RAB27A: variants seen among roughly 807,000 people sequenced by gnomAD.
RAB27A encodes the protein RAB27A, member RAS oncogene family.
Under a neutral mutation model 20.8 loss-of-function variants are expected in RAB27A, and 17 were observed. That is an observed-to-expected ratio of 0.82 (90% confidence interval 0.56 to 1.23). The LOEUF (loss-of-function observed/expected upper bound fraction) is 1.23. Ranked by LOEUF, RAB27A falls within the 50% of genes most tolerant of loss-of-function variation. The probability of loss-of-function intolerance (pLI) is 0.00; values close to 1 mark genes in which losing one functional copy is unlikely to be tolerated. For synonymous variants in RAB27A, 85 were observed against 92.8 expected (o/e 0.92, Z 0.48); for missense variants, 277 against 266.7 (o/e 1.04, Z -0.27).
At chr15:55,308,812 T>C (rs2055008630) in intron 2 of RAB27A, among the ~76,000 whole-genome samples, 1 of 152,196 alleles carries the variant, frequency 6.6e-6, no homozygotes, top group Admixed American at 6.5e-5. Flanking sequence ...CATCATGAGA[T>C]GTCCACACAG....
chr15:55,242,750 A>G (rs1896541719), intron 2 of RAB27A, among the ~76,000 whole-genome samples: 1 of 152,112 alleles, frequency 6.6e-6, no homozygotes. Flanking sequence ...TATCTGGGTG[A>G]TTTTTGGTAA....
chr15:55,264,712 A>G (rs1897398876), intron 2 of RAB27A, among the ~76,000 whole-genome samples: 1 of 152,208 alleles, frequency 6.6e-6, no homozygotes, highest in Non-Finnish European at 1.5e-5. Flanking sequence ...GCCTCCACCA[A>G]TGATCCAAAG....
chr15:55,280,692 G>A lies in RAB27A; in HGVS notation c.-143+9024C>T, dbSNP rs537441435. On this transcript the variant is annotated intron_variant, in intron 1 of 6. Coordinates refer to ENST00000336787, the MANE Select transcript of RAB27A (RefSeq NM_183235.3). ...CCCCTGAGAGGCCCCGGTGTGTGAT[G>A]TTCCCCTTCCTGTATCCAAGTGATC... Among the ~76,000 whole-genome samples the A allele has an allele frequency of 3.3e-4, 50 of 151,414 alleles. 1 individual carries two copies. In the South Asian group the frequency reaches 0.01, roughly 32 times the overall value.
At chr15:55,296,399 G>A (rs1011353066) in intron 2 of RAB27A, among the ~76,000 whole-genome samples, 3 of 152,056 alleles carry the variant, frequency 2.0e-5, no homozygotes, top group Non-Finnish European at 4.4e-5. Flanking sequence ...GGGAGGCTGA[G>A]GCATGAGAAT....
rs117403373 is a variant in RAB27A, at chr15:55,208,121, G to A, written c.468-2416C>T. On this transcript the variant is annotated intron_variant, in intron 6 of 6. Coordinates refer to ENST00000336787, the MANE Select transcript of RAB27A (RefSeq NM_183235.3). ...TAATAGGGAAAAAATTTACCTAAACGTCCATCAATAAGCGCATGAATAGTG... is the reference window on the plus strand; with the variant it reads ...TAATAGGGAAAAAATTTACCTAAACATCCATCAATAAGCGCATGAATAGTG... Among the ~76,000 whole-genome samples the A allele has an allele frequency of 1.0e-3, 153 of 152,220 alleles. 2 individuals carry two copies. The highest frequency in any genetic ancestry group is 3.5e-3 in the African/African-American group (146 of 41,556).
At chr15:55,244,138 T>TAAAAATAC (rs547242305) in intron 2 of RAB27A, among the ~76,000 whole-genome samples, 1 of 151,960 alleles carries the variant, frequency 6.6e-6, no homozygotes, top group Non-Finnish European at 1.5e-5. Flanking sequence ...CCATCTCTGC[T>TAAAAATAC]AAAAATACAA....
Position 55,234,767 on chromosome 15 carries a change from G to A in RAB27A, c.153+15C>T, listed in dbSNP as rs1458284941. The A allele has an allele frequency of 6.2e-7, 1 of 1,600,826 alleles. No homozygotes were observed. The highest frequency in any genetic ancestry group is 1.1e-5 in the South Asian group (1 of 90,772). On this transcript the variant is annotated intron_variant, in intron 3 of 6. Coordinates refer to ENST00000336787, the MANE Select transcript of RAB27A (RefSeq NM_183235.3). ...TTAACGATTACATTTTTACATAGAA[G>A]GATATAGAACTTACCACTCTTTTTT...
At chr15:55,222,264 C>T (rs963669712) in intron 6 of RAB27A, among the ~76,000 whole-genome samples, 1 of 152,198 alleles carries the variant, frequency 6.6e-6, no homozygotes, top group Non-Finnish European at 1.5e-5. Flanking sequence ...CATGCAATTG[C>T]AAATCCTTGC....
At chr15:55,258,069 A>G (rs1220151969) in intron 2 of RAB27A, among the ~76,000 whole-genome samples, 1 of 150,180 alleles carries the variant, frequency 6.7e-6, no homozygotes, top group African/African-American at 2.4e-5. Flanking sequence ...TCAGTCTCAA[A>G]AAAAAAAAAA....
upstream of RAB27A, among the ~76,000 whole-genome samples, chr15:55,294,589 GAAAAAAAAAA>G (rs1181179911): frequency 1.4e-4 from 4 of 29,182 alleles, no homozygotes; most frequent in East Asian, 1.2e-3. Flanking sequence ...CCCTGTCTCC[GAAAAAAAAAA>G]AAAAAAAAAA....
chr15:55,241,967 G>A (rs1383217730), intron 2 of RAB27A, among the ~76,000 whole-genome samples: 1 of 151,792 alleles, frequency 6.6e-6, no homozygotes, highest in Non-Finnish European at 1.5e-5. Flanking sequence ...AAGAGGAAAG[G>A]GAAAGATCTA....
In RAB27A at chr15:55,281,777, G is replaced by GA. The variant is rs376179135; in HGVS notation, c.-143+7938dup. On this transcript the variant is annotated intron_variant, in intron 1 of 6. Coordinates refer to ENST00000336787, the MANE Select transcript of RAB27A (RefSeq NM_183235.3). ...GGAAGGTAGGAAAGGAAAAGAGAAG[G>GA]AAAAAAAAAGAAACCAGAGGCCCTT... 7.4e-5 allele frequency among the ~76,000 whole-genome samples: 11 copies of GA among 149,196 alleles called. No individual in the cohort carries two copies. The East Asian group carries it at 9.8e-4, about 13-fold the overall frequency.
At chr15:55,259,927 A>G (rs953936080) in intron 2 of RAB27A, 12 of 152,178 alleles carry the variant, frequency 7.9e-5, no homozygotes, top group Non-Finnish European at 1.8e-4. Flanking sequence ...CCACCTTACC[A>G]AGGACATGAA....
At chr15:55,269,111 T>C (rs1897615706) in intron 2 of RAB27A, among the ~76,000 whole-genome samples, 1 of 152,202 alleles carries the variant, frequency 6.6e-6, no homozygotes, top group African/African-American at 2.4e-5. Flanking sequence ...ATCTTGATCT[T>C]AGACTTTCAG....
chr15:55,298,295 C>T (rs972419954), intron 2 of RAB27A, among the ~76,000 whole-genome samples: 17 of 151,746 alleles, frequency 1.1e-4, no homozygotes, highest in African/African-American at 3.9e-4. Context: ...CCCTAAGCAT[C>T]GGCCAGCTTG....
At chr15:55,253,398 G>T (rs9920645) in intron 2 of RAB27A, among the ~76,000 whole-genome samples, 1 of 150,630 alleles carries the variant, frequency 6.6e-6, no homozygotes, top group South Asian at 2.1e-4. Context: ...AGTGAGCCAA[G>T]ATCGTGCCAC....
Position 55,205,463 on chromosome 15 carries a change from C to G in RAB27A, c.*44G>C. On this transcript the variant is annotated 3_prime_UTR_variant, in exon 7 of 7. Transcript: ENST00000336787. Reference sequence around the variant, plus strand: ...CCATGTATCAATCATAGAGAAGATCCCAGGCATGGGCCACCTGAACTACTA... The same window carrying G: ...CCATGTATCAATCATAGAGAAGATCGCAGGCATGGGCCACCTGAACTACTA... 6.3e-7 allele frequency: 1 copy of G among 1,580,086 alleles called. No homozygotes were observed. The highest frequency in any genetic ancestry group is 8.7e-7 in the Non-Finnish European group (1 of 1,149,280).
At chr15:55,306,803 CAG>C in intron 2 of RAB27A, among the ~76,000 whole-genome samples, 1 of 152,136 alleles carries the variant, frequency 6.6e-6, no homozygotes, top group African/African-American at 2.4e-5. Context: ...ACTGGTCCTA[CAG>C]TGGCATGGAG....
intron 2 of RAB27A, among the ~76,000 whole-genome samples, chr15:55,266,774 G>T (rs1897503990): frequency 6.6e-6 from 1 of 152,174 alleles, no homozygotes; most frequent in Non-Finnish European, 1.5e-5. Context: ...GCAGAACCAA[G>T]ATGTGATCTC....
Sources: gnomAD v4.1 joint callset for allele counts (sites outside exome capture counted in the v4.1 genomes callset) on GRCh38, gnomAD v4.1.1 for gene constraint, MANE v1.5 for transcripts, NCBI Gene and HGNC (gene_info 2026-07-23, HGNC 2026-07-21) for gene names.